MSI2: variants seen among roughly 807,000 people sequenced by gnomAD.
MSI2 encodes RNA-binding protein Musashi homolog 2.
In MSI2, 17 loss-of-function variants were observed where a neutral mutation model predicts 45.6. The observed-to-expected ratio is 0.37, with a 90% confidence interval of 0.26 to 0.56. The LOEUF is 0.56. MSI2 is among the 20% of genes least tolerant of loss of function. The pLI, the probability that MSI2 is intolerant of heterozygous loss-of-function variation, is 0.77. For missense variants in MSI2, 293 were observed against 444.2 expected (o/e 0.66, Z 3.06); for synonymous variants, 156 against 158.2 (o/e 0.99, Z 0.11).
rs114453586 is a variant in MSI2 at position 57,639,986 on chromosome 17, G to A, written c.728-12113G>A. Among the ~76,000 whole-genome samples the A allele has an allele frequency of 2.8e-3, 419 of 152,312 alleles. 2 individuals carry two copies. The highest frequency in any genetic ancestry group is 9.1e-3 in the African/African-American group (380 of 41,576). Reference sequence around the variant, plus strand: ...GCGGGGGACACAGTGGTGAATGAGAGGTGGGCCCCTGCCTGCTTGTTGGGA... The same window carrying A: ...GCGGGGGACACAGTGGTGAATGAGAAGTGGGCCCCTGCCTGCTTGTTGGGA... On this transcript the variant is annotated intron_variant, in intron 10 of 13. Coordinates refer to ENST00000284073, the MANE Select transcript of MSI2 (RefSeq NM_138962.4).
chr17:57,671,015 G>T (rs1291653021), intron 11 of MSI2, among the ~76,000 whole-genome samples: 1 of 152,028 alleles, frequency 6.6e-6, no homozygotes, highest in African/African-American at 2.4e-5. Context: ...TCACAGTCAG[G>T]TCTTCTGCCT....
At chr17:57,641,874 G>A (rs570210703) in intron 10 of MSI2, among the ~76,000 whole-genome samples, 10 of 152,330 alleles carry the variant, frequency 6.6e-5, no homozygotes, top group African/African-American at 2.2e-4. Context: ...AGGGTAGCAA[G>A]GGCTGGCTTC....
In MSI2 at chr17:57,629,385, C is replaced by G. The variant is rs984238919; in HGVS notation, c.727+2082C>G. ...CAGAGGTTGCAGTGAGCCGAGATCA[C>G]ACCACTATACTCCAGCCTGGATAAC... On this transcript the variant is annotated intron_variant, in intron 10 of 13. Coordinates refer to ENST00000284073, the MANE Select transcript of MSI2 (RefSeq NM_138962.4). The G allele has an allele frequency of 3.3e-5, 5 of 150,206 alleles. No individual in the cohort carries two copies. In the East Asian group the frequency reaches 9.6e-4, roughly 29 times the overall value. The allele number at this position is 150,206 out of a possible 1,614,324, so 9.3% of individuals were successfully genotyped here.
chr17:57,303,637 G>A (rs993304921), intron 5 of MSI2, among the ~76,000 whole-genome samples: 7 of 152,090 alleles, frequency 4.6e-5, no homozygotes, highest in Non-Finnish European at 1.0e-4. Flanking sequence ...AAATAATCCT[G>A]GCCTCAGCGG....
intron 5 of MSI2, among the ~76,000 whole-genome samples, chr17:57,339,268 G>C (rs959587890): frequency 6.6e-6 from 1 of 152,122 alleles, no homozygotes; most frequent in Admixed American, 6.5e-5. Context: ...CCAGGGGGTC[G>C]GCATATTTAG....
chr17:57,535,602 C>T lies in MSI2; in HGVS notation c.454+5878C>T, dbSNP rs193264604. ...TAATGGCTTTGGAGAGGAATAACAG[C>T]CCTGAGACCCACTGGAAGGGGGTGG... On this transcript the variant is annotated intron_variant, in intron 7 of 13. Transcript: ENST00000284073. Among the ~76,000 whole-genome samples the T allele has an allele frequency of 3.5e-3, 535 of 152,360 alleles. 2 individuals are homozygous for T. The highest frequency in any genetic ancestry group is 5.0e-3 in the Non-Finnish European group (339 of 68,038).
intron 8 of MSI2, among the ~76,000 whole-genome samples, chr17:57,602,830 G>A (rs563213815): frequency 6.6e-6 from 1 of 152,314 alleles, no homozygotes; most frequent in East Asian, 1.9e-4. Context: ...GCAGCCCCTA[G>A]GAGCTGGTTA....
At chr17:57,363,062 C>T (rs772352589) in intron 5 of MSI2, among the ~76,000 whole-genome samples, 4 of 152,170 alleles carry the variant, frequency 2.6e-5, no homozygotes, top group African/African-American at 4.8e-5. Context: ...TGTGTATACC[C>T]ACATACATTG....
intron 10 of MSI2, among the ~76,000 whole-genome samples, chr17:57,641,313 C>T (rs1910241772): frequency 1.3e-5 from 2 of 152,116 alleles, no homozygotes; most frequent in African/African-American, 2.4e-5. Flanking sequence ...AAGACTTGAG[C>T]GTTTGCTGTC....
intron 5 of MSI2, among the ~76,000 whole-genome samples, chr17:57,350,584 A>G (rs1027547037): frequency 2.0e-5 from 3 of 151,952 alleles, no homozygotes; most frequent in African/African-American, 7.3e-5. Context: ...ACCCCACCAC[A>G]CTGAGCCACT....
intron 5 of MSI2, among the ~76,000 whole-genome samples, chr17:57,273,529 T>G (rs1908568734): frequency 4.1e-5 from 2 of 48,602 alleles, no homozygotes; most frequent in Admixed American, 2.5e-4. Flanking sequence ...ATAGTGGGGA[T>G]GTGGGTGGGG....
chr17:57,615,476 C>G (rs553002170), intron 8 of MSI2, among the ~76,000 whole-genome samples: 8 of 152,258 alleles, frequency 5.3e-5, no homozygotes, highest in South Asian at 4.1e-4. Flanking sequence ...TGAACTGGAG[C>G]TAAGGCTAAG....
intron 6 of MSI2, among the ~76,000 whole-genome samples, chr17:57,428,996 G>A (rs1364612722): frequency 1.3e-5 from 2 of 152,182 alleles, no homozygotes; most frequent in African/African-American, 4.8e-5. Flanking sequence ...GTGCCTGGAG[G>A]AGAAGATCCC....
intron 5 of MSI2, among the ~76,000 whole-genome samples, chr17:57,301,527 C>T (rs2143540707): frequency 6.6e-6 from 1 of 152,378 alleles, no homozygotes; most frequent in African/African-American, 2.4e-5. Context: ...CCCGGTTTTA[C>T]CTGCCTGCCT....
At chr17:57,604,559 G>A (rs1906310994) in intron 8 of MSI2, among the ~76,000 whole-genome samples, 1 of 152,068 alleles carries the variant, frequency 6.6e-6, no homozygotes. Context: ...GATTGTCTAG[G>A]TCCTGGAAAA....
chr17:57,293,132 C>T (rs536810273), intron 5 of MSI2, among the ~76,000 whole-genome samples: 53 of 151,728 alleles, frequency 3.5e-4, no homozygotes, highest in Admixed American at 6.6e-4. Context: ...AAAAGTCAGT[C>T]GACTTGGTCA....
intron 7 of MSI2, among the ~76,000 whole-genome samples, chr17:57,534,132 C>T (rs1368299066): frequency 6.6e-6 from 1 of 152,232 alleles, no homozygotes; most frequent in Non-Finnish European, 1.5e-5. Context: ...ACCGAGCTGC[C>T]CAGAGTCTCA....
intron 10 of MSI2, among the ~76,000 whole-genome samples, chr17:57,633,571 T>C (rs1184375385): frequency 3.9e-5 from 6 of 152,206 alleles, no homozygotes; most frequent in African/African-American, 1.2e-4. Flanking sequence ...GTGGCCTGCT[T>C]TCCTGACTCC....
At chr17:57,387,015 A>G (rs978003647) in intron 5 of MSI2, among the ~76,000 whole-genome samples, 1 of 152,212 alleles carries the variant, frequency 6.6e-6, no homozygotes, top group African/African-American at 2.4e-5. Context: ...TTGCTGGGCC[A>G]TGTGTCTGAT....
Sources: gnomAD v4.1 joint callset for allele counts (sites outside exome capture counted in the v4.1 genomes callset) on GRCh38, gnomAD v4.1.1 for gene constraint, MANE v1.5 for transcripts, NCBI Gene and HGNC (gene_info 2026-07-23, HGNC 2026-07-21) for gene names.